Variants in FAM81B observed in about 807,000 individuals in gnomAD.
FAM81B encodes protein FAM81B.
In FAM81B, 60 loss-of-function variants were observed where a neutral mutation model predicts 58.7. That is an observed-to-expected ratio of 1.02 (90% CI 0.83 to 1.27). The LOEUF is 1.27. Among genes scored for constraint, FAM81B ranks in the 50% most tolerant of loss-of-function variants. The probability of loss-of-function intolerance (pLI) is 0.00; values close to 1 mark genes in which losing one functional copy is unlikely to be tolerated. For synonymous variants in FAM81B, 189 were observed against 179.6 expected (o/e 1.05, Z -0.42); for missense variants, 491 against 522.0 (o/e 0.94, Z 0.58).
rs183846652 is a variant in FAM81B at position 95,428,879 on chromosome 5, G to A, written c.786+147G>A. ...TAATTCTGACAGCTCACTCATATAC[G>A]CCATGGAAACAGTCAATTCAATCAA... is the stretch of plus-strand genomic sequence containing the variant. On this transcript the variant is annotated intron_variant, in intron 6 of 9. Transcript: ENST00000283357. 1.2e-4 allele frequency: 125 copies of A among 1,070,472 alleles called. No individual in the cohort carries two copies. The African/African-American group carries it at 1.5e-3, about 13-fold the overall frequency. 66.3% of individuals were successfully genotyped at this position (1,070,472 alleles called of 1,614,324 possible). A position where few individuals can be genotyped will look rare whatever the true frequency, so the allele number is the denominator to read the frequency against.
chr5:95,448,177 C>A, intron 8 of FAM81B, 92 bp from the exon 9 acceptor site: 1 of 1,233,618 alleles, frequency 8.1e-7, no homozygotes, highest in Non-Finnish European at 1.1e-6. Flanking sequence ...TCATGCTTAA[C>A]ATAGAAAAAT....
At chr5:95,435,723 C>T (rs1166184497) in intron 6 of FAM81B, among the ~76,000 whole-genome samples, 2 of 152,082 alleles carry the variant, frequency 1.3e-5, no homozygotes, top group African/African-American at 2.4e-5. Flanking sequence ...CCATCTTTGT[C>T]CCATTTTTAA....
rs1239162105 is a variant in FAM81B at position 95,450,322 on chromosome 5, G to A, written c.*40G>A. The A allele has an allele frequency of 1.3e-6, 2 of 1,593,516 alleles. No homozygotes were observed. Among genetic ancestry groups the A allele is most frequent in the African/African-American group, 2.7e-5 (2 of 73,392 alleles). On this transcript the variant is annotated 3_prime_UTR_variant, in exon 10 of 10. Transcript: ENST00000283357. ...CTTCTTTTTCATCAGCCAATGGAGT[G>A]ATTTGTTGGAAAAAGTTCTGAAGAA...
In FAM81B at chr5:95,420,379, A is replaced by G; in HGVS notation, c.633A>G (p.Gly211=). The G allele has an allele frequency of 1.9e-6, 3 of 1,613,814 alleles. No homozygotes were observed. Among genetic ancestry groups the G allele is most frequent in the Non-Finnish European group, 2.5e-6 (3 of 1,179,728 alleles). Residue 211 remains glycine (G), a synonymous_variant, in exon 5 of 10, where the codon GGA becomes GGG. Transcript: ENST00000283357. ...ACATCAAACACCTACAAGGAGTTGGAGATCTTCGAGGAAGAGTAGCCAGGT... is the reference window on the plus strand; with the variant it reads ...ACATCAAACACCTACAAGGAGTTGGGGATCTTCGAGGAAGAGTAGCCAGGT... The part of the protein sequence containing the change: ...EINIKHLQGV[G]DLRGRVARCD...
rs76692166 is a variant in FAM81B, at chr5:95,404,303, G to T, written c.293+8128G>T. ...TTTAGGGGAATGGATTTTATATATGGTAGGTACCATTTGGTGATTTTCCAA... is the reference window on the plus strand; with the variant it reads ...TTTAGGGGAATGGATTTTATATATGTTAGGTACCATTTGGTGATTTTCCAA... On this transcript the variant is annotated intron_variant, in intron 3 of 9. Transcript: ENST00000283357. 3.8e-3 allele frequency among the ~76,000 whole-genome samples: 583 copies of T among 152,148 alleles called. 2 individuals carry two copies. Among genetic ancestry groups the T allele is most frequent in the African/African-American group, 0.013 (557 of 41,496 alleles).
intron 7 of FAM81B, among the ~76,000 whole-genome samples, chr5:95,437,878 T>C (rs1423592803): frequency 1.3e-5 from 2 of 152,304 alleles, no homozygotes; most frequent in Non-Finnish European, 2.9e-5. Context: ...CTTATTCTTT[T>C]TACTCTATGT....
At chr5:95,415,199 AT>A (rs1269098643) in intron 4 of FAM81B, among the ~76,000 whole-genome samples, 7 of 152,160 alleles carry the variant, frequency 4.6e-5, no homozygotes, top group African/African-American at 1.4e-4. Flanking sequence ...TGGGTTAACA[AT>A]TTTCATGCAA....
At chr5:95,421,968 G>A (rs1172562771) in intron 5 of FAM81B, among the ~76,000 whole-genome samples, 2 of 152,118 alleles carry the variant, frequency 1.3e-5, no homozygotes, top group African/African-American at 4.8e-5. Context: ...ACAAGGAAGT[G>A]GAAAGAGAAA....
At chr5:95,407,376 A>C (rs1762277682) in intron 3 of FAM81B, among the ~76,000 whole-genome samples, 1 of 145,312 alleles carries the variant, frequency 6.9e-6, no homozygotes. Flanking sequence ...GATTCCAAAA[A>C]TGCCTGTTCT....
At chr5:95,421,171 G>A (rs1006548550) in intron 5 of FAM81B, among the ~76,000 whole-genome samples, 2 of 152,188 alleles carry the variant, frequency 1.3e-5, no homozygotes, top group Admixed American at 1.3e-4. Flanking sequence ...CAGCAACATG[G>A]TCTCCTTTCT....
At chr5:95,442,347 A>G in intron 7 of FAM81B, among the ~76,000 whole-genome samples, 1 of 152,218 alleles carries the variant, frequency 6.6e-6, no homozygotes, top group East Asian at 1.9e-4. Context: ...TAATAAATAC[A>G]GTAATCGTCA....
chr5:95,408,370 C>G (rs1181804156), intron 3 of FAM81B, among the ~76,000 whole-genome samples: 1 of 152,224 alleles, frequency 6.6e-6, no homozygotes, highest in Admixed American at 6.5e-5. Flanking sequence ...GAACTTCTGA[C>G]TCTTTTGCTC....
chr5:95,418,431 A>G (rs543203092), intron 4 of FAM81B, among the ~76,000 whole-genome samples: 8 of 152,338 alleles, frequency 5.3e-5, no homozygotes, highest in South Asian at 2.1e-4. Flanking sequence ...GCTAAAATCT[A>G]TGGTAAGAAC....
At chr5:95,404,720 A>C (rs926794628) in intron 3 of FAM81B, among the ~76,000 whole-genome samples, 3 of 152,186 alleles carry the variant, frequency 2.0e-5, no homozygotes, top group Admixed American at 2.0e-4. Context: ...TATGTGCCAC[A>C]CATTCTTCTC....
intron 7 of FAM81B, among the ~76,000 whole-genome samples, 170 bp downstream of exon 7, chr5:95,437,076 T>C (rs907657724): frequency 1.3e-4 from 20 of 152,082 alleles, no homozygotes; most frequent in African/African-American, 4.8e-4. Context: ...TATATAATAT[T>C]TATAATAAAA....
chr5:95,436,908 TA>T lies in FAM81B; in HGVS notation c.893+4del, dbSNP rs565144090. The T allele has an allele frequency of 5.3e-3, 8,517 of 1,606,584 alleles. 99 individuals carry two copies. Among genetic ancestry groups the T allele is most frequent in the South Asian group, 0.037 (3,352 of 90,916 alleles). On this transcript the variant is annotated splice_donor_region_variant and intron_variant, in intron 7 of 9. Transcript: ENST00000283357. The stretch of plus-strand genomic sequence containing the variant: ...CGAAATGAACCTTTTGGAATTCAAG[TA>T]AGTGAATAGAAGATTTTTAATTCTG...
intron 6 of FAM81B, among the ~76,000 whole-genome samples, chr5:95,430,212 T>C (rs1241045647): frequency 6.6e-6 from 1 of 152,162 alleles, no homozygotes; most frequent in South Asian, 2.1e-4. Flanking sequence ...TAAGAAAATA[T>C]AGCCAGAGAA....
chr5:95,397,303 T>A (rs1561288923), intron 3 of FAM81B, among the ~76,000 whole-genome samples: 1 of 152,224 alleles, frequency 6.6e-6, no homozygotes, highest in Non-Finnish European at 1.5e-5. Flanking sequence ...AAAATATTTT[T>A]AAATGTTTAA....
chr5:95,420,943 G>T (rs766302539), intron 5 of FAM81B, among the ~76,000 whole-genome samples: 19 of 152,080 alleles, frequency 1.2e-4, no homozygotes, highest in Non-Finnish European at 2.5e-4. Context: ...GCTGACTGTG[G>T]ACACCTTTCC....
Sources: allele counts gnomAD v4.1 joint callset (sites outside exome capture counted in the v4.1 genomes callset), GRCh38; gene constraint gnomAD v4.1.1; transcripts MANE v1.5; gene names NCBI Gene and HGNC (gene_info 2026-07-23, HGNC 2026-07-21).